CAST: variants seen among roughly 807,000 people sequenced by gnomAD.
CAST encodes the protein calpastatin, also known as MIR583 host.
A neutral mutation model predicts 119.6 loss-of-function variants in CAST; 76 were observed. That is an observed-to-expected ratio of 0.64 (90% confidence interval 0.53 to 0.77). The LOEUF is 0.77. Ranked by LOEUF, CAST falls within the 30% of genes least tolerant of loss-of-function variation. The pLI, the probability that CAST is intolerant of heterozygous loss-of-function variation, is 0.00. For missense variants in CAST, 953 were observed against 946.5 expected (o/e 1.01, Z -0.09); for synonymous variants, 319 against 331.6 (o/e 0.96, Z 0.41).
chr5:96,692,845 G>A (rs1403203233), intron 2 of CAST, among the ~76,000 whole-genome samples: 1 of 152,178 alleles, frequency 6.6e-6, no homozygotes, highest in Non-Finnish European at 1.5e-5. Flanking sequence ...TGCCACGAGG[G>A]CAGGAGCTTT....
chr5:96,619,522 C>G (rs942881465), intron 1 of CAST, among the ~76,000 whole-genome samples: 10 of 152,250 alleles, frequency 6.6e-5, no homozygotes, highest in Non-Finnish European at 8.8e-5. Context: ...CTGCTGGGTC[C>G]TCTTCCACAG....
At chr5:96,134,082 T>G in the CAST span, among the ~76,000 whole-genome samples, 1 of 152,230 alleles carries the variant, frequency 6.6e-6, no homozygotes. Context: ...ACTAACACCA[T>G]TTGGCCTTTA....
At chr5:96,466,480 G>C in the CAST span, among the ~76,000 whole-genome samples, 1 of 152,084 alleles carries the variant, frequency 6.6e-6, no homozygotes, top group African/African-American at 2.4e-5. Context: ...GCCCTGCCTC[G>C]GTCCCTCGTG....
the CAST span, among the ~76,000 whole-genome samples, chr5:96,010,029 G>C: frequency 6.6e-6 from 1 of 152,102 alleles, no homozygotes; most frequent in Non-Finnish European, 1.5e-5. Flanking sequence ...AGTTATCCCG[G>C]CACCGTTTAT....
At chr5:96,595,150 G>C (rs905122455) in intron 1 of CAST, among the ~76,000 whole-genome samples, 5 of 152,332 alleles carry the variant, frequency 3.3e-5, no homozygotes, top group East Asian at 1.9e-4. Flanking sequence ...AGCAAGTGCA[G>C]AGGATCAGAG....
At chr5:96,361,621 G>A in the CAST span, among the ~76,000 whole-genome samples, 11 of 152,146 alleles carry the variant, frequency 7.2e-5, 1 homozygote, top group East Asian at 1.7e-3. Flanking sequence ...CATGTGAGAC[G>A]ATGCCCCACC....
the CAST span, among the ~76,000 whole-genome samples, chr5:96,419,302 TTAAG>T: frequency 6.8e-6 from 1 of 146,842 alleles, no homozygotes; most frequent in African/African-American, 2.6e-5. Flanking sequence ...TATATATATA[TTAAG>T]TGAGATATAT....
At chr5:96,671,387 CTTTTG>C (rs1561456948) in intron 1 of CAST, among the ~76,000 whole-genome samples, 2 of 152,046 alleles carry the variant, frequency 1.3e-5, no homozygotes, top group Non-Finnish European at 2.9e-5. Flanking sequence ...TTTTTCGTGC[CTTTTG>C]TTTTGTTCTC....
At chr5:96,602,374 C>A (rs1747171849) in intron 1 of CAST, among the ~76,000 whole-genome samples, 1 of 152,176 alleles carries the variant, frequency 6.6e-6, no homozygotes, top group South Asian at 2.1e-4. Flanking sequence ...AGAGTCCTGC[C>A]CTCATAAAGC....
At chr5:96,079,513 T>C in the CAST span, among the ~76,000 whole-genome samples, 1 of 152,212 alleles carries the variant, frequency 6.6e-6, no homozygotes, top group Non-Finnish European at 1.5e-5. Flanking sequence ...TTAAAAAATG[T>C]AGTTTGTAAA....
At chr5:96,602,974 G>A (rs901866760) in intron 1 of CAST, among the ~76,000 whole-genome samples, 3 of 152,174 alleles carry the variant, frequency 2.0e-5, no homozygotes, top group Admixed American at 6.5e-5. Context: ...CAAGGACCAG[G>A]ATGAAGGAAA....
chr5:96,531,950 A>G (rs2150177394), intron 1 of CAST, among the ~76,000 whole-genome samples: 1 of 152,300 alleles, frequency 6.6e-6, no homozygotes, highest in African/African-American at 2.4e-5. Context: ...AGAGATAGAA[A>G]ATACTTAAAA....
At chr5:96,514,336 T>C in the CAST span, among the ~76,000 whole-genome samples, 1 of 152,316 alleles carries the variant, frequency 6.6e-6, no homozygotes, top group African/African-American at 2.4e-5. Context: ...TTAAGGAGCC[T>C]GCAAAAATGA....
upstream of CAST, among the ~76,000 whole-genome samples, chr5:96,661,451 C>T (rs1194239808): frequency 6.8e-6 from 1 of 147,676 alleles, no homozygotes; most frequent in Non-Finnish European, 1.5e-5. Context: ...AAAGGCTCTG[C>T]CTTCTCTCTC....
At chr5:96,236,626 C>T in the CAST span, among the ~76,000 whole-genome samples, 15 of 152,298 alleles carry the variant, frequency 9.8e-5, 1 homozygote, top group African/African-American at 2.9e-4. Context: ...CCAAAATGCA[C>T]GTGAAAGCAT....
the CAST span, among the ~76,000 whole-genome samples, chr5:96,211,827 A>G: frequency 4.6e-5 from 7 of 152,050 alleles, no homozygotes; most frequent in African/African-American, 9.7e-5. Flanking sequence ...TTATTGTACT[A>G]CACAAATTAT....
chr5:96,557,974 A>C (rs1746277864), intron 1 of CAST, among the ~76,000 whole-genome samples: 2 of 152,184 alleles, frequency 1.3e-5, no homozygotes, highest in African/African-American at 4.8e-5. Context: ...TCCTCAGCAA[A>C]TGTAAAAGAA....
chr5:96,665,964 T>C (rs1749286612), intron 1 of CAST, among the ~76,000 whole-genome samples: 2 of 152,208 alleles, frequency 1.3e-5, no homozygotes, highest in South Asian at 4.1e-4. Flanking sequence ...CATATATATC[T>C]ACAGATATAA....
At chr5:96,534,735 GAGAGAGAA>G (rs1370073794) in intron 1 of CAST, among the ~76,000 whole-genome samples, 3 of 18,730 alleles carry the variant, frequency 1.6e-4, no homozygotes, top group African/African-American at 5.3e-4. Context: ...GAGAGAGAGA[GAGAGAGAA>G]AGAAAGAAAG....
Sources: gnomAD v4.1 joint callset for allele counts (sites outside exome capture counted in the v4.1 genomes callset) on GRCh38, gnomAD v4.1.1 for gene constraint, MANE v1.5 for transcripts, NCBI Gene and HGNC (gene_info 2026-07-23, HGNC 2026-07-21) for gene names.